ADAMTSL3: variants seen among roughly 807,000 people sequenced by gnomAD.
ADAMTSL3 encodes the protein ADAMTS-like protein 3.
ADAMTSL3 carries 128 observed loss-of-function variants against 201.7 expected under a neutral mutation model. The observed-to-expected ratio is 0.63, with a 90% CI of 0.55 to 0.73. The LOEUF is 0.73. Ranked by LOEUF, ADAMTSL3 falls within the 30% of genes least tolerant of loss-of-function variation. The pLI, the probability that ADAMTSL3 is intolerant of heterozygous loss-of-function variation, is 0.00. For missense variants in ADAMTSL3, 1,990 were observed against 2,119.6 expected, an observed-to-expected ratio of 0.94 and a Z score of 1.20; for synonymous variants, 738 against 748.4, an observed-to-expected ratio of 0.99 and a Z score of 0.23.
In ADAMTSL3 at chr15:83,842,849, G is replaced by C. The variant is rs527859141; in HGVS notation, c.727+4634G>C. On this transcript the variant is annotated intron_variant, in intron 7 of 29. Transcript: ENST00000286744. ...CCAGATCCCGGTGTAATGGAAGTAC[G>C]TAGAGTTAGTGTTGGCCTTAGAAAG... Among the ~76,000 whole-genome samples the C allele has an allele frequency of 5.9e-5, 9 of 152,298 alleles. No individual in the cohort carries two copies. In the South Asian group the frequency reaches 1.9e-3, roughly 32 times the overall value.
At chr15:83,874,298 G>A (rs2065137890) in intron 9 of ADAMTSL3, among the ~76,000 whole-genome samples, 1 of 145,174 alleles carries the variant, frequency 6.9e-6, no homozygotes. Context: ...AGAGGAAAGC[G>A]CCTCATAGGG....
rs4842923 is a variant in ADAMTSL3, at chr15:83,913,152, T to C, written c.1761T>C (p.Arg587=). ...STTCGPGVQV[R]EVKCRVLLTF... ...CGTGTGGGCCGGGTGTGCAGGTCCGTGAGGTGAAGTGCCGTGTGCTCCTCA... is the reference window on the plus strand; with the variant it reads ...CGTGTGGGCCGGGTGTGCAGGTCCGCGAGGTGAAGTGCCGTGTGCTCCTCA... Residue 587 remains arginine (R), a synonymous_variant, in exon 16 of 30, where the codon CGT becomes CGC. Transcript: ENST00000286744. The C allele has an allele frequency of 0.56, 899,310 of 1,613,638 alleles. 256,099 individuals are homozygous for C. The highest frequency in any genetic ancestry group is 0.79 in the African/African-American group (59,310 of 74,908).
chr15:83,858,916 C>T, intron 8 of ADAMTSL3, 76 bp downstream of exon 8: 1 of 1,284,272 alleles, frequency 7.8e-7, no homozygotes, highest in Non-Finnish European at 1.1e-6. Flanking sequence ...AAACAAAAAA[C>T]CCACAAACCA....
chr15:83,999,841 G>T, intron 23 of ADAMTSL3, among the ~76,000 whole-genome samples: 1 of 152,102 alleles, frequency 6.6e-6, no homozygotes, highest in East Asian at 1.9e-4. Flanking sequence ...ATGTCTAGGC[G>T]AATTATTAAC....
chr15:83,884,784 A>T (rs968145441), intron 9 of ADAMTSL3, among the ~76,000 whole-genome samples: 1 of 152,322 alleles, frequency 6.6e-6, no homozygotes, highest in Non-Finnish European at 1.5e-5. Flanking sequence ...TTAAAATCCA[A>T]TGTTTCAGGA....
At chr15:83,909,739 C>T (rs2401178) in intron 15 of ADAMTSL3, among the ~76,000 whole-genome samples, 95,124 of 151,730 alleles carry the variant, frequency 0.63, 30,905 homozygotes, top group African/African-American at 0.79. Flanking sequence ...CTCAGCCTCC[C>T]GAGTAGCTGG....
chr15:83,850,956 G>T (rs1044132707), intron 7 of ADAMTSL3, among the ~76,000 whole-genome samples: 3 of 152,110 alleles, frequency 2.0e-5, no homozygotes, highest in Non-Finnish European at 2.9e-5. Context: ...TCCTGCGCCC[G>T]TGCTGCTCAA....
At chr15:83,951,897 T>A (rs921490657) in intron 19 of ADAMTSL3, among the ~76,000 whole-genome samples, 8 of 152,200 alleles carry the variant, frequency 5.3e-5, no homozygotes, top group South Asian at 2.1e-4. Flanking sequence ...GGGTGTTCTC[T>A]CTTGTTTTCT....
At chr15:83,921,968 G>A (rs773139068) in intron 16 of ADAMTSL3, among the ~76,000 whole-genome samples, 2 of 152,102 alleles carry the variant, frequency 1.3e-5, no homozygotes, top group African/African-American at 4.8e-5. Flanking sequence ...CATATGTGAA[G>A]TAAGGGATGT....
At chr15:83,696,156 G>A (rs958656433) in intron 2 of ADAMTSL3, among the ~76,000 whole-genome samples, 3 of 152,204 alleles carry the variant, frequency 2.0e-5, no homozygotes, top group African/African-American at 7.2e-5. Context: ...CTGACTCATG[G>A]AATATTGACA....
At chr15:83,903,774 C>T (rs1337497148) in intron 15 of ADAMTSL3, among the ~76,000 whole-genome samples, 4 of 150,852 alleles carry the variant, frequency 2.7e-5, no homozygotes, top group Middle Eastern at 3.4e-3. Flanking sequence ...AAAAATTAGC[C>T]GGGTGTGGTG....
intron 6 of ADAMTSL3, among the ~76,000 whole-genome samples, chr15:83,831,148 T>C (rs2064147941): frequency 6.6e-6 from 1 of 152,206 alleles, no homozygotes; most frequent in Admixed American, 6.5e-5. Flanking sequence ...TTACCTCCTC[T>C]TGTCTATCTC....
intron 28 of ADAMTSL3, among the ~76,000 whole-genome samples, chr15:84,034,239 C>T (rs920402518): frequency 2.0e-5 from 3 of 152,104 alleles, no homozygotes; most frequent in Non-Finnish European, 4.4e-5. Flanking sequence ...TGACCATGGG[C>T]TCTCTGTAGG....
chr15:83,838,358 C>A, intron 7 of ADAMTSL3, 143 bp downstream of exon 7: 1 of 1,151,332 alleles, frequency 8.7e-7, no homozygotes, highest in Non-Finnish European at 1.2e-6. Flanking sequence ...AAATTTCTTC[C>A]AAGAAGTGTG....
intron 17 of ADAMTSL3, among the ~76,000 whole-genome samples, chr15:83,935,733 G>T (rs1302444535): frequency 5.3e-5 from 8 of 152,030 alleles, no homozygotes; most frequent in Non-Finnish European, 1.0e-4. Context: ...TTCACTGTCA[G>T]CCTAGAATTG....
intron 6 of ADAMTSL3, among the ~76,000 whole-genome samples, chr15:83,825,577 C>T (rs896167415): frequency 6.6e-6 from 1 of 152,042 alleles, no homozygotes; most frequent in African/African-American, 2.4e-5. Flanking sequence ...TATGATTGTA[C>T]CACTGTACTC....
rs1391950676 is a variant in ADAMTSL3 at position 83,714,795 on chromosome 15, C to CTTTTTCTT, written c.189+10288_189+10289insTTTTCTTT. Among the ~76,000 whole-genome samples the CTTTTTCTT allele has an allele frequency of 3.3e-3, 340 of 102,112 alleles. 26 individuals carry two copies. Among genetic ancestry groups the CTTTTTCTT allele is most frequent in the East Asian group, 0.016 (64 of 3,942 alleles). The allele number at this position is 102,112 out of a possible 152,430, so 67.0% of individuals were successfully genotyped here. A position where few individuals can be genotyped will look rare whatever the true frequency, so the allele number is the denominator to read the frequency against. On this transcript the variant is annotated intron_variant, in intron 3 of 29. Transcript: ENST00000286744. ...TCTTTCTTTCTTTCTTTTTCTTTCT[C>CTTTTTCTT]TCTCTTTCTTTCTTCTTTCTTTCTT... is the stretch of plus-strand genomic sequence containing the variant.
At chr15:83,816,086 C>T (rs2063765993) in intron 5 of ADAMTSL3, among the ~76,000 whole-genome samples, 1 of 152,212 alleles carries the variant, frequency 6.6e-6, no homozygotes, top group African/African-American at 2.4e-5. Flanking sequence ...GGCCTGGAGC[C>T]AGAAATCAGA....
At chr15:83,775,069 A>T (rs1355174917) in intron 4 of ADAMTSL3, among the ~76,000 whole-genome samples, 1 of 151,672 alleles carries the variant, frequency 6.6e-6, no homozygotes, top group Non-Finnish European at 1.5e-5. Flanking sequence ...CTGGTCTTGA[A>T]CTCCTGACCT....
Sources: gnomAD v4.1 joint callset for allele counts (sites outside exome capture counted in the v4.1 genomes callset) on GRCh38, gnomAD v4.1.1 for gene constraint, MANE v1.5 for transcripts, NCBI Gene and HGNC (gene_info 2026-07-23, HGNC 2026-07-21) for gene names.